The following FOCAD variants were observed in gnomAD, a reference collection of about 807,000 sequenced individuals.
FOCAD encodes the protein focadhesin.
Under a neutral mutation model 225.6 loss-of-function variants are expected in FOCAD, and 198 were observed. That is an observed-to-expected ratio of 0.88 (90% confidence interval 0.78 to 0.99). The LOEUF is 0.99. Among genes scored for constraint, FOCAD ranks in the 50% least tolerant of loss-of-function variants. FOCAD has a pLI of 0.00. For missense variants in FOCAD, 2,713 were observed against 2,123.6 expected (o/e 1.28, Z -5.46); for synonymous variants, 897 against 755.0 (o/e 1.19, Z -3.08).
At chr9:20,875,941 T>G (rs1265429717) in intron 19 of FOCAD, 1 of 152,166 alleles carries the variant, frequency 6.6e-6, no homozygotes, top group Non-Finnish European at 1.5e-5. Flanking sequence ...GAAATGAAGT[T>G]CAATCAAAAC....
chr9:20,679,757 A>G (rs1475328385), upstream of FOCAD, among the ~76,000 whole-genome samples: 1 of 152,208 alleles, frequency 6.6e-6, no homozygotes, highest in Non-Finnish European at 1.5e-5. Flanking sequence ...TGTCTTAAAT[A>G]TTTAAAAGGC....
At position 20,948,335 on chromosome 9, in the gene FOCAD, A is replaced by T. The variant is rs1564191834; in HGVS notation, c.3740A>T (p.Lys1247Ile). The change falls in exon 31 of 44, where the codon AAA becomes ATA. Residue 1247 changes from lysine to isoleucine, a missense_variant. Transcript: ENST00000338382. ...GGATTGTCTGTGTGTGGACATGGAA[A>T]AGCTGAAGACTTGGGCAGCAAACTA... ...VHGLSVCGHG[K>I]AEDLGSKLLP... is the part of the protein sequence containing the mutation. 1 of 1,612,808 alleles carries T rather than the reference A, an allele frequency of 6.2e-7. No individual in the cohort carries two copies. Among genetic ancestry groups the T allele is most frequent in the Non-Finnish European group, 8.5e-7 (1 of 1,179,088 alleles).
At chr9:20,715,165 T>C (rs1421855589) in intron 1 of FOCAD, among the ~76,000 whole-genome samples, 157 bp from the exon 2 acceptor site, 1 of 152,212 alleles carries the variant, frequency 6.6e-6, no homozygotes, top group Non-Finnish European at 1.5e-5. Context: ...TGGATGACAA[T>C]GAAGTTTTGC....
intron 19 of FOCAD, among the ~76,000 whole-genome samples, chr9:20,876,388 G>C (rs1176893733): frequency 6.6e-6 from 1 of 151,612 alleles, no homozygotes; most frequent in Non-Finnish European, 1.5e-5. Context: ...TTTTTCACTT[G>C]TACATGTATC....
At chr9:20,671,727 A>G (rs1822069771) in intron 2 of FOCAD, among the ~76,000 whole-genome samples, 1 of 152,190 alleles carries the variant, frequency 6.6e-6, no homozygotes, top group Non-Finnish European at 1.5e-5. Context: ...AAAAAGGGCA[A>G]AAAGTTTCCT....
At chr9:20,778,975 T>C (rs1271250310) in intron 9 of FOCAD, among the ~76,000 whole-genome samples, 1 of 152,224 alleles carries the variant, frequency 6.6e-6, no homozygotes, top group African/African-American at 2.4e-5. Context: ...GTATCTCGGC[T>C]GCATGTTAGA....
intron 16 of FOCAD, among the ~76,000 whole-genome samples, chr9:20,864,821 G>A (rs1829086021): frequency 6.6e-6 from 1 of 152,020 alleles, no homozygotes; most frequent in Non-Finnish European, 1.5e-5. Flanking sequence ...CTATTTTTGA[G>A]TACCTATTCA....
At chr9:20,772,563 C>G (rs1448687391) in intron 8 of FOCAD, among the ~76,000 whole-genome samples, 1 of 152,126 alleles carries the variant, frequency 6.6e-6, no homozygotes, top group African/African-American at 2.4e-5. Flanking sequence ...TCAGCAGTGT[C>G]ATGTGTCATG....
chr9:20,924,995 C>T (rs751877729), intron 25 of FOCAD, among the ~76,000 whole-genome samples: 15 of 152,030 alleles, frequency 9.9e-5, no homozygotes, highest in East Asian at 1.9e-4. Flanking sequence ...GTGGGGAAGA[C>T]GGAACTCTGC....
chr9:20,771,154 G>A lies in FOCAD; in HGVS notation c.906+916G>A, dbSNP rs10964692. On this transcript the variant is annotated intron_variant, in intron 8 of 43. Transcript: ENST00000338382. Reference sequence around the variant, plus strand: ...CTGTAGAACAGCATGTGCCCAAATAGAGAGACATGAAAGAGTAGTCAGGCT... The same window carrying A: ...CTGTAGAACAGCATGTGCCCAAATAAAGAGACATGAAAGAGTAGTCAGGCT... Among the ~76,000 whole-genome samples the A allele has an allele frequency of 9.9e-3, 1,504 of 152,288 alleles. 25 individuals carry two copies. Among genetic ancestry groups the A allele is most frequent in the African/African-American group, 0.035 (1,441 of 41,536 alleles).
chr9:20,891,744 T>C (rs1404105782), intron 21 of FOCAD, among the ~76,000 whole-genome samples: 1 of 152,212 alleles, frequency 6.6e-6, no homozygotes, highest in East Asian at 1.9e-4. Context: ...AAGCAGCAAG[T>C]GCTGATGTAA....
intron 15 of FOCAD, among the ~76,000 whole-genome samples, chr9:20,851,264 A>G (rs1827628855): frequency 6.7e-6 from 1 of 150,196 alleles, no homozygotes; most frequent in East Asian, 2.0e-4. Context: ...CCATTGGTAT[A>G]TTAAAATTTT....
At chr9:20,710,132 A>G (rs1279119792) in intron 1 of FOCAD, among the ~76,000 whole-genome samples, 1 of 152,108 alleles carries the variant, frequency 6.6e-6, no homozygotes, top group Non-Finnish European at 1.5e-5. Context: ...TGACATATCA[A>G]TAATCTTACC....
chr9:20,691,275 A>G (rs10964663), intron 1 of FOCAD, among the ~76,000 whole-genome samples: 21,140 of 151,870 alleles, frequency 0.14, 1,740 homozygotes, highest in Non-Finnish European at 0.19. Flanking sequence ...TTCTTCCCTT[A>G]TTAGCAAAAA....
chr9:20,964,913 G>A (rs190692700), intron 35 of FOCAD, among the ~76,000 whole-genome samples: 313 of 152,272 alleles, frequency 2.1e-3, no homozygotes, highest in Non-Finnish European at 3.1e-3. Context: ...TTGGCAGGAG[G>A]GAGCAGGTTA....
chr9:20,701,895 C>G (rs776770898), intron 1 of FOCAD, among the ~76,000 whole-genome samples: 2 of 152,094 alleles, frequency 1.3e-5, no homozygotes, highest in African/African-American at 4.8e-5. Context: ...TGATTTAACA[C>G]GTATGTGCAA....
At chr9:20,748,898 A>G (rs928466805) in intron 5 of FOCAD, among the ~76,000 whole-genome samples, 1 of 152,110 alleles carries the variant, frequency 6.6e-6, no homozygotes, top group Non-Finnish European at 1.5e-5. Context: ...AAAACACTTT[A>G]TATGTTCTTC....
At chr9:20,909,785 A>T (rs115774602) in intron 22 of FOCAD, among the ~76,000 whole-genome samples, 57 of 152,218 alleles carry the variant, frequency 3.7e-4, no homozygotes, top group African/African-American at 1.2e-3. Flanking sequence ...ACACGCTTAA[A>T]TAGAGTTTAT....
At chr9:20,819,930 A>G (rs767382860) in intron 12 of FOCAD, 30 bp downstream of exon 12, 1 of 1,297,298 alleles carries the variant, frequency 7.7e-7, no homozygotes, top group South Asian at 1.4e-5. Context: ...TAGTTGGCGA[A>G]AAAAGTGAGT....
Sources: allele counts gnomAD v4.1 joint callset (sites outside exome capture counted in the v4.1 genomes callset), GRCh38; gene constraint gnomAD v4.1.1; transcripts MANE v1.5; gene names NCBI Gene and HGNC (gene_info 2026-07-23, HGNC 2026-07-21).